KLHL32: variants seen among roughly 807,000 people sequenced by gnomAD.
KLHL32 encodes the protein kelch-like protein 32.
KLHL32 carries 35 observed loss-of-function variants against 64.8 expected under a neutral mutation model. The ratio of observed to expected loss-of-function variants is 0.54; its 90% CI spans 0.41 to 0.72. The LOEUF (loss-of-function observed/expected upper bound fraction) is 0.72. Among genes scored for constraint, KLHL32 ranks in the 30% least tolerant of loss-of-function variants. The pLI is 0.00. For missense variants in KLHL32, 589 were observed against 768.5 expected (o/e 0.77, Z 2.76); for synonymous variants, 259 against 281.0 (o/e 0.92, Z 0.78).
chr6:97,052,690 G>A (rs1019859871), intron 4 of KLHL32, among the ~76,000 whole-genome samples: 5 of 152,038 alleles, frequency 3.3e-5, no homozygotes, highest in African/African-American at 9.7e-5. Context: ...AAATATCCCC[G>A]CAAATTTCCG....
intron 4 of KLHL32, among the ~76,000 whole-genome samples, chr6:97,059,592 T>C (rs1021812653): frequency 2.0e-5 from 3 of 152,208 alleles, no homozygotes; most frequent in African/African-American, 4.8e-5. Flanking sequence ...ATGTCAGATA[T>C]AGATGTGCAG....
At chr6:97,033,896 A>G (rs1240622040) in intron 3 of KLHL32, among the ~76,000 whole-genome samples, 2 of 152,026 alleles carry the variant, frequency 1.3e-5, no homozygotes, top group Admixed American at 6.6e-5. Context: ...TTATTTTGCT[A>G]TTGAATTTTG....
intron 3 of KLHL32, among the ~76,000 whole-genome samples, chr6:97,030,625 A>G (rs1783405020): frequency 6.6e-6 from 1 of 152,236 alleles, no homozygotes; most frequent in Non-Finnish European, 1.5e-5. Context: ...CATATTTCTA[A>G]GCAGAACTTT....
At chr6:97,135,366 C>T (rs1454537679) in intron 10 of KLHL32, among the ~76,000 whole-genome samples, 3 of 135,376 alleles carry the variant, frequency 2.2e-5, no homozygotes, top group Non-Finnish European at 3.0e-5. Flanking sequence ...AGTGCAGTGG[C>T]GTGATCTTGG....
intron 7 of KLHL32, 143 bp from the exon 8 acceptor site, chr6:97,127,261 T>C (rs1798969533): frequency 3.1e-6 from 2 of 646,480 alleles, no homozygotes; most frequent in Admixed American, 5.7e-5. Flanking sequence ...ATAAGCTTCT[T>C]AATTATGTCA....
chr6:96,928,297 C>T (rs1205271716), intron 1 of KLHL32, among the ~76,000 whole-genome samples: 1 of 152,070 alleles, frequency 6.6e-6, no homozygotes, highest in Non-Finnish European at 1.5e-5. Context: ...TGGGAGTCTC[C>T]ACCAGACAGT....
At chr6:96,979,318 C>T (rs1219672761) in intron 3 of KLHL32, among the ~76,000 whole-genome samples, 2 of 151,880 alleles carry the variant, frequency 1.3e-5, no homozygotes, top group Non-Finnish European at 2.9e-5. Flanking sequence ...GATTTTTGTA[C>T]CTGGTGAAAG....
At chr6:97,061,780 A>G (rs1025820208) in intron 4 of KLHL32, among the ~76,000 whole-genome samples, 2 of 152,208 alleles carry the variant, frequency 1.3e-5, no homozygotes, top group African/African-American at 4.8e-5. Context: ...CAGGTGACAG[A>G]TAAATTCACC....
intron 3 of KLHL32, among the ~76,000 whole-genome samples, chr6:96,980,767 T>TCAG (rs1170032168): frequency 6.6e-6 from 1 of 152,154 alleles, no homozygotes; most frequent in Non-Finnish European, 1.5e-5. Flanking sequence ...CTGGTAGAAG[T>TCAG]CAGCTGTGAA....
At chr6:97,109,359 T>C (rs767948661) in intron 6 of KLHL32, among the ~76,000 whole-genome samples, 5 of 152,168 alleles carry the variant, frequency 3.3e-5, no homozygotes, top group Non-Finnish European at 7.4e-5. Context: ...TGGAAAGAAA[T>C]AAGATAAAAA....
intron 1 of KLHL32, among the ~76,000 whole-genome samples, chr6:96,965,292 A>G (rs1041144572): frequency 6.6e-5 from 10 of 152,224 alleles, no homozygotes; most frequent in South Asian, 2.1e-4. Context: ...AATGGTGTCC[A>G]TTCCCCTAAG....
chr6:96,999,407 C>A, intron 3 of KLHL32: 2 of 324,804 alleles, frequency 6.2e-6, no homozygotes, highest in Non-Finnish European at 8.8e-6. Context: ...ACAACAACAA[C>A]AACAAAGAGT....
chr6:96,935,484 G>C (rs12200599), intron 1 of KLHL32, among the ~76,000 whole-genome samples: 64,889 of 151,942 alleles, frequency 0.43, 14,102 homozygotes, highest in South Asian at 0.46. Context: ...CCTTTTTTGT[G>C]AAGGAAAAGA....
intron 6 of KLHL32, among the ~76,000 whole-genome samples, chr6:97,097,181 G>C (rs1257822440): frequency 1.3e-5 from 2 of 152,158 alleles, no homozygotes; most frequent in African/African-American, 4.8e-5. Flanking sequence ...AGGCACGACT[G>C]TTCATTTGCA....
intron 7 of KLHL32, among the ~76,000 whole-genome samples, chr6:97,121,722 G>T (rs997637621): frequency 2.0e-5 from 3 of 151,888 alleles, no homozygotes; most frequent in South Asian, 2.1e-4. Context: ...TGATTGTTTT[G>T]TGTCTAACTA....
intron 4 of KLHL32, among the ~76,000 whole-genome samples, chr6:97,049,567 G>C (rs1008330512): frequency 8.4e-6 from 1 of 119,196 alleles, no homozygotes; most frequent in Non-Finnish European, 1.7e-5. Context: ...CGTAGAAAGC[G>C]AAACCGTCGA....
intron 4 of KLHL32, among the ~76,000 whole-genome samples, chr6:97,061,632 A>C (rs555051251): frequency 6.6e-6 from 1 of 152,112 alleles, no homozygotes; most frequent in African/African-American, 2.4e-5. Context: ...CTACATGTTG[A>C]TGGGTATGTT....
At chr6:97,044,054 T>C (rs1246083998) in intron 4 of KLHL32, among the ~76,000 whole-genome samples, 3 of 152,150 alleles carry the variant, frequency 2.0e-5, no homozygotes, top group Non-Finnish European at 4.4e-5. Flanking sequence ...AAAATGGGCA[T>C]ACTTGTCTTG....
At chr6:97,020,912 T>C (rs1415075102) in intron 3 of KLHL32, among the ~76,000 whole-genome samples, 2 of 150,898 alleles carry the variant, frequency 1.3e-5, no homozygotes, top group Non-Finnish European at 2.9e-5. Context: ...TTGCTGTCTC[T>C]ATTAGCTTCC....
Sources: gnomAD v4.1 joint callset for allele counts (sites outside exome capture counted in the v4.1 genomes callset) on GRCh38, gnomAD v4.1.1 for gene constraint, MANE v1.5 for transcripts, NCBI Gene and HGNC (gene_info 2026-07-23, HGNC 2026-07-21) for gene names.